MAGI2: variants seen among roughly 807,000 people sequenced by gnomAD.
MAGI2 encodes membrane-associated guanylate kinase, WW and PDZ domain-containing protein 2.
Under a neutral mutation model 133.3 loss-of-function variants are expected in MAGI2, and 35 were observed. The observed-to-expected ratio is 0.26, with a 90% CI of 0.20 to 0.35. The LOEUF is 0.35. Among genes scored for constraint, MAGI2 ranks in the 10% least tolerant of loss-of-function variants. MAGI2 has a pLI of 1.00. For synonymous variants in MAGI2, 729 were observed against 710.6 expected (o/e 1.03, Z -0.41); for missense variants, 1,636 against 1,863.4 (o/e 0.88, Z 2.25).
chr7:79,246,337 G>C (rs1483887501), intron 1 of MAGI2, among the ~76,000 whole-genome samples: 1 of 152,150 alleles, frequency 6.6e-6, no homozygotes, highest in African/African-American at 2.4e-5. Context: ...GAGAAGCTGA[G>C]AGATGTGGTC....
At chr7:79,095,841 T>A (rs2191721) in intron 1 of MAGI2, among the ~76,000 whole-genome samples, 2 of 152,136 alleles carry the variant, frequency 1.3e-5, no homozygotes, top group Non-Finnish European at 2.9e-5. Context: ...CACAGAGACA[T>A]GAAGTGAGTG....
At chr7:78,307,802 T>C (rs1275758241) in intron 9 of MAGI2, among the ~76,000 whole-genome samples, 2 of 152,182 alleles carry the variant, frequency 1.3e-5, no homozygotes, top group African/African-American at 4.8e-5. Context: ...CTATATATGA[T>C]TAAAATTTTC....
intron 2 of MAGI2, among the ~76,000 whole-genome samples, chr7:78,990,528 T>C (rs914114276): frequency 1.3e-5 from 2 of 152,030 alleles, no homozygotes; most frequent in Non-Finnish European, 1.5e-5. Flanking sequence ...CTGCCATCTA[T>C]TCAACCCCAC....
At chr7:79,373,805 T>C (rs943150596) in intron 1 of MAGI2, among the ~76,000 whole-genome samples, 3 of 152,182 alleles carry the variant, frequency 2.0e-5, no homozygotes, top group South Asian at 4.1e-4. Flanking sequence ...CAGATGATAA[T>C]GGGCATTCAA....
At chr7:78,803,964 A>G (rs75448063) in intron 2 of MAGI2, among the ~76,000 whole-genome samples, 2,675 of 152,348 alleles carry the variant, frequency 0.018, 68 homozygotes, top group African/African-American at 0.054. Context: ...TCCTGTTACC[A>G]ATTTCACATT....
intron 2 of MAGI2, among the ~76,000 whole-genome samples, chr7:78,938,979 T>C (rs1370200174): frequency 6.6e-6 from 1 of 152,070 alleles, no homozygotes; most frequent in Admixed American, 6.6e-5. Flanking sequence ...TTCATTAAGA[T>C]CCCCACATAT....
At chr7:78,293,400 A>C (rs1188702774) in intron 9 of MAGI2, among the ~76,000 whole-genome samples, 1 of 152,200 alleles carries the variant, frequency 6.6e-6, no homozygotes, top group Admixed American at 6.5e-5. Context: ...ATCTCACACC[A>C]GTTAGAATGG....
At chr7:79,363,364 C>T (rs1842483797) in intron 1 of MAGI2, among the ~76,000 whole-genome samples, 1 of 147,620 alleles carries the variant, frequency 6.8e-6, no homozygotes, top group African/African-American at 2.5e-5. Context: ...GAGAGACATA[C>T]TCTGTTCGTG....
intron 1 of MAGI2, among the ~76,000 whole-genome samples, chr7:79,230,803 C>A (rs1466932819): frequency 1.3e-5 from 2 of 151,274 alleles, no homozygotes; most frequent in African/African-American, 4.9e-5. Flanking sequence ...TTAATTAGAT[C>A]CCATTTGTCA....
chr7:78,859,938 C>G (rs1794015031), intron 2 of MAGI2, among the ~76,000 whole-genome samples: 1 of 152,090 alleles, frequency 6.6e-6, no homozygotes, highest in Admixed American at 6.5e-5. Context: ...TTGTTCATTT[C>G]TTTTTACTCT....
At chr7:79,121,558 G>A (rs1819902431) in intron 1 of MAGI2, among the ~76,000 whole-genome samples, 1 of 151,980 alleles carries the variant, frequency 6.6e-6, no homozygotes, top group Non-Finnish European at 1.5e-5. Context: ...AAATTCCAGT[G>A]GGATGACCCC....
At chr7:79,028,318 CATATATAT>C (rs59207768) in intron 1 of MAGI2, among the ~76,000 whole-genome samples, 70 of 24,196 alleles carry the variant, frequency 2.9e-3, no homozygotes, top group Non-Finnish European at 5.7e-3. Context: ...TATATACACA[CATATATAT>C]ACATATATAT....
At chr7:78,284,448 T>C (rs1795942335) in intron 9 of MAGI2, among the ~76,000 whole-genome samples, 1 of 107,634 alleles carries the variant, frequency 9.3e-6, no homozygotes, top group Non-Finnish European at 1.7e-5. Flanking sequence ...AGGTTTTCTT[T>C]TCTTTTTTTT....
intron 2 of MAGI2, among the ~76,000 whole-genome samples, chr7:78,782,767 C>G (rs1018912717): frequency 6.6e-6 from 1 of 152,022 alleles, no homozygotes; most frequent in Admixed American, 6.6e-5. Flanking sequence ...AACGTGGTGC[C>G]GAACAGCTTT....
chr7:78,579,586 T>C (rs1239700155), intron 3 of MAGI2, among the ~76,000 whole-genome samples: 1 of 152,202 alleles, frequency 6.6e-6, no homozygotes, highest in African/African-American at 2.4e-5. Flanking sequence ...CTTCACTAAC[T>C]AGCCTTTTTA....
At chr7:78,845,794 C>T (rs557878667) in intron 2 of MAGI2, among the ~76,000 whole-genome samples, 13 of 151,998 alleles carry the variant, frequency 8.6e-5, no homozygotes, top group African/African-American at 2.9e-4. Flanking sequence ...GCAATGGGTG[C>T]TATACCTACA....
intron 1 of MAGI2, among the ~76,000 whole-genome samples, chr7:79,428,735 C>T (rs1847570157): frequency 6.6e-6 from 1 of 152,112 alleles, no homozygotes; most frequent in African/African-American, 2.4e-5. Flanking sequence ...ACTATAAATA[C>T]ATCTATATTG....
At chr7:79,289,318 T>C (rs2242505) in intron 1 of MAGI2, among the ~76,000 whole-genome samples, 84,129 of 152,006 alleles carry the variant, frequency 0.55, 25,887 homozygotes, top group Non-Finnish European at 0.68. Context: ...AAAAATTAAC[T>C]GGGAGGGCAG....
At chr7:78,827,088 A>ATATAGATACAGCTTC (rs1790727975) in intron 2 of MAGI2, among the ~76,000 whole-genome samples, 1 of 152,136 alleles carries the variant, frequency 6.6e-6, no homozygotes, top group Admixed American at 6.5e-5. Context: ...ATACAGCTTC[A>ATATAGATACAGCTTC]TATAGATACA....
Sources: allele counts gnomAD v4.1 joint callset (sites outside exome capture counted in the v4.1 genomes callset), GRCh38; gene constraint gnomAD v4.1.1; transcripts MANE v1.5; gene names NCBI Gene and HGNC (gene_info 2026-07-23, HGNC 2026-07-21).